PCDHGA1: variants seen among roughly 807,000 people sequenced by gnomAD.
The protein encoded by PCDHGA1 is protocadherin gamma-A1.
Under a neutral mutation model 58.0 loss-of-function variants are expected in PCDHGA1, and 32 were observed. That is an observed-to-expected ratio of 0.55 (90% CI 0.42 to 0.74). The LOEUF is 0.74. Among genes scored for constraint, PCDHGA1 ranks in the 30% least tolerant of loss-of-function variants. The pLI is 0.00. For synonymous variants in PCDHGA1, 498 were observed against 501.1 expected (o/e 0.99, Z 0.08); for missense variants, 1,205 against 1,182.3 (o/e 1.02, Z -0.28).
At position 141,487,641 on chromosome 5, in the gene PCDHGA1, T is replaced by C. The variant is rs1343702532; in HGVS notation, c.2422-7166T>C. The stretch of plus-strand genomic sequence containing the variant: ...GTGAGACCTTTGCAGGCTCAACAAA[T>C]GCTTGAGGGTTATTCTGATCCAGGC... On this transcript the variant is annotated intron_variant, in intron 1 of 3. Coordinates refer to ENST00000517417, the MANE Select transcript of PCDHGA1 (RefSeq NM_018912.3). The surrounding 1 kb of genome is among the most constrained non-coding windows in gnomAD (Gnocchi z 5.0). The C allele has an allele frequency of 6.2e-7, 1 of 1,614,122 alleles. No individual in the cohort carries two copies. Among genetic ancestry groups the C allele is most frequent in the Non-Finnish European group, 8.5e-7 (1 of 1,179,998 alleles).
chr5:141,339,735 C>A (rs754938154), intron 1 of PCDHGA1: 1 of 1,614,100 alleles, frequency 6.2e-7, no homozygotes. Context: ...CCGGAGAATA[C>A]GCTCGTGGGC....
At chr5:141,496,146 G>A (rs749790409) in intron 2 of PCDHGA1, among the ~76,000 whole-genome samples, 1 of 151,170 alleles carries the variant, frequency 6.6e-6, no homozygotes, top group Non-Finnish European at 1.5e-5. Flanking sequence ...GCCTTTGATC[G>A]CAGCTCTCCA....
In PCDHGA1 at chr5:141,332,514, G is replaced by A. The variant is rs1756411863; in HGVS notation, c.1830G>A (p.Lys610=). The A allele has an allele frequency of 6.2e-7, 1 of 1,613,062 alleles. No homozygotes were observed. The highest frequency in any genetic ancestry group is 1.1e-5 in the South Asian group (1 of 91,020). Reference sequence around the variant, plus strand: ...CCTGGCTGTCCTACCGCCTGCTCAAGGCCAGCGAGCCGGGACTCTTCTCGG... The same window carrying A: ...CCTGGCTGTCCTACCGCCTGCTCAAAGCCAGCGAGCCGGGACTCTTCTCGG... The part of the protein sequence containing the change: ...QNAWLSYRLL[K]ASEPGLFSVG... The change falls in exon 1 of 4, where the codon AAG becomes AAA. Residue 610 remains lysine, a synonymous_variant. Transcript: ENST00000517417. The surrounding 1 kb of genome is among the most constrained non-coding windows in gnomAD (Gnocchi z 4.6).
chr5:141,365,161 G>A lies in PCDHGA1; in HGVS notation c.2421+32056G>A, dbSNP rs1472001277. On this transcript the variant is annotated intron_variant, in intron 1 of 3. Transcript: ENST00000517417. ...CAGATGAGGGAATAAACGGGAAATTGACCTACTCTTTTCGCAATGAAGAAG... is the reference window on the plus strand; with the variant it reads ...CAGATGAGGGAATAAACGGGAAATTAACCTACTCTTTTCGCAATGAAGAAG... 5.0e-6 allele frequency: 8 copies of A among 1,613,810 alleles called. No homozygotes were observed. In the African/African-American group the frequency reaches 8.0e-5, roughly 16 times the overall value.
chr5:141,408,533 G>A, intron 1 of PCDHGA1: 1 of 1,614,056 alleles, frequency 6.2e-7, no homozygotes, highest in Non-Finnish European at 8.5e-7. Flanking sequence ...AGCTGTGGTG[G>A]AAAATCCTTT....
rs774649069 is a variant in PCDHGA1 at position 141,477,417 on chromosome 5, C to G, written c.2422-17390C>G. The G allele has an allele frequency of 1.2e-6, 2 of 1,614,172 alleles. No individual in the cohort carries two copies. The highest frequency in any genetic ancestry group is 2.7e-5 in the African/African-American group (2 of 75,032). On this transcript the variant is annotated intron_variant, in intron 1 of 3. Coordinates refer to ENST00000517417, the MANE Select transcript of PCDHGA1 (RefSeq NM_018912.3). The surrounding 1 kb of genome is among the most constrained non-coding windows in gnomAD (Gnocchi z 4.9). Reference sequence around the variant, plus strand: ...AGCATCACCGCCCGAGACGCCGGAACCCCTTCCCTCTCAGCCCTTACAATA... The same window carrying G: ...AGCATCACCGCCCGAGACGCCGGAAGCCCTTCCCTCTCAGCCCTTACAATA...
intron 1 of PCDHGA1, chr5:141,356,500 A>G: frequency 6.2e-7 from 1 of 1,614,012 alleles, no homozygotes; most frequent in Admixed American, 1.7e-5. Flanking sequence ...TCCACTGTCT[A>G]CAGAAACTCA....
At chr5:141,375,673 G>A (rs1467021613) in intron 1 of PCDHGA1, 1 of 1,614,248 alleles carries the variant, frequency 6.2e-7, no homozygotes. Flanking sequence ...ACCTACAGCT[G>A]TGGGTGACAG....
Position 141,485,200 on chromosome 5 carries a change from A to C in PCDHGA1, c.2422-9607A>C. 1 of 1,614,116 alleles carries C rather than the reference A, an allele frequency of 6.2e-7. No homozygotes were observed. The highest frequency in any genetic ancestry group is 2.2e-5 in the East Asian group (1 of 44,872). ...TGCTCCGCAAGGTGAGAAGCTGGAC[A>C]GAAATCTGGCGGTGGGCTACCCTTT... On this transcript the variant is annotated intron_variant, in intron 1 of 3. Coordinates refer to ENST00000517417, the MANE Select transcript of PCDHGA1 (RefSeq NM_018912.3). This position sits in a 1 kb window ranked among gnomAD's most constrained non-coding sequence, Gnocchi z 5.7.
At chr5:141,457,864 C>T (rs962336979) in intron 1 of PCDHGA1, among the ~76,000 whole-genome samples, 5 of 152,166 alleles carry the variant, frequency 3.3e-5, no homozygotes, top group African/African-American at 4.8e-5. Flanking sequence ...CTTCACTGAC[C>T]ACAGGTTAGG....
At chr5:141,492,512 T>A (rs2099741406) in intron 1 of PCDHGA1, among the ~76,000 whole-genome samples, 1 of 152,116 alleles carries the variant, frequency 6.6e-6, no homozygotes, top group Admixed American at 6.5e-5. Flanking sequence ...GAGCCTCCTC[T>A]CACCTCTCCC....
At chr5:141,481,240 T>G (rs1323124277) in intron 1 of PCDHGA1, among the ~76,000 whole-genome samples, 1 of 152,208 alleles carries the variant, frequency 6.6e-6, no homozygotes, top group Non-Finnish European at 1.5e-5. Flanking sequence ...AAGTATTACA[T>G]AGCATAGCTC....
intron 1 of PCDHGA1, chr5:141,357,380 C>T: frequency 6.2e-7 from 1 of 1,614,194 alleles, no homozygotes; most frequent in South Asian, 1.1e-5. Context: ...CTGCTTCACG[C>T]TGAAGGCAGC....
chr5:141,484,869 G>C (rs2154580238), intron 1 of PCDHGA1: 1 of 292,558 alleles, frequency 3.4e-6, no homozygotes, highest in African/African-American at 2.2e-5. Flanking sequence ...GGGGGAGCGT[G>C]GAGGATAGGG....
chr5:141,390,157 G>A, intron 1 of PCDHGA1: 3 of 1,614,020 alleles, frequency 1.9e-6, no homozygotes, highest in Middle Eastern at 3.3e-4. Context: ...GCACATACAG[G>A]AAAGACGGAG....
chr5:141,501,328 CACA>C (rs2099808027), intron 2 of PCDHGA1, among the ~76,000 whole-genome samples: 1 of 151,710 alleles, frequency 6.6e-6, no homozygotes, highest in Non-Finnish European at 1.5e-5. Context: ...CACACACACA[CACA>C]CACCCCAAAC....
chr5:141,434,566 G>A (rs1280487112), intron 1 of PCDHGA1, among the ~76,000 whole-genome samples: 1 of 152,196 alleles, frequency 6.6e-6, no homozygotes, highest in African/African-American at 2.4e-5. Flanking sequence ...TTAAGGACAT[G>A]CCCCTGCTGC....
At chr5:141,387,304 T>C (rs1186076797) in intron 1 of PCDHGA1, among the ~76,000 whole-genome samples, 3 of 152,208 alleles carry the variant, frequency 2.0e-5, no homozygotes, top group Non-Finnish European at 4.4e-5. Context: ...ATCCAGTATA[T>C]TTCTAATGAG....
Position 141,487,910 on chromosome 5 carries a change from C to T in PCDHGA1, c.2422-6897C>T, listed in dbSNP as rs2099668803. The T allele has an allele frequency of 3.0e-6, 2 of 661,468 alleles. No individual in the cohort carries two copies. Among genetic ancestry groups the T allele is most frequent in the Non-Finnish European group, 5.1e-6 (2 of 388,904 alleles). The allele number at this position is 661,468 out of a possible 1,614,324, so 41.0% of individuals were successfully genotyped here. ...AGCATGATGATGGAATGTGGGAGCA[C>T]AGGAGGCTACAGTGCACAGGGTACA... On this transcript the variant is annotated intron_variant, in intron 1 of 3. Transcript: ENST00000517417. The surrounding 1 kb of genome is among the most constrained non-coding windows in gnomAD (Gnocchi z 5.0).
Sources: gnomAD v4.1 joint callset for allele counts (sites outside exome capture counted in the v4.1 genomes callset) on GRCh38, gnomAD v4.1.1 for gene constraint, Gnocchi (gnomAD v3.1) non-coding constraint, MANE v1.5 for transcripts, NCBI Gene and HGNC (gene_info 2026-07-23, HGNC 2026-07-21) for gene names.